Variants in FBN1 observed in about 807,000 individuals in gnomAD.
The protein encoded by FBN1 is fibrillin-1.
Under a neutral mutation model 365.1 loss-of-function variants are expected in FBN1, and 29 were observed. The ratio of observed to expected loss-of-function variants is 0.08; its 90% CI spans 0.06 to 0.11. The LOEUF is 0.11. Ranked by LOEUF, FBN1 falls within the 10% of genes least tolerant of loss-of-function variation. The pLI is 1.00. For missense variants in FBN1, 2,476 were observed against 3,703.2 expected (o/e 0.67, Z 8.60); for synonymous variants, 1,210 against 1,270.5 (o/e 0.95, Z 1.01).
chr15:48,519,833 G>C (rs2043835548), intron 10 of FBN1, among the ~76,000 whole-genome samples: 1 of 152,202 alleles, frequency 6.6e-6, no homozygotes, highest in Non-Finnish European at 1.5e-5. Context: ...ACTGTGCTAA[G>C]TAGCAAATGT....
intron 2 of FBN1, among the ~76,000 whole-genome samples, chr15:48,618,422 T>C (rs955717345): frequency 1.5e-4 from 23 of 152,136 alleles, no homozygotes; most frequent in Admixed American, 1.5e-3. Context: ...TTTCAAATAT[T>C]CCCCCTCTTT....
chr15:48,627,571 ACTGT>A (rs1371723519), intron 2 of FBN1, among the ~76,000 whole-genome samples: 7 of 152,306 alleles, frequency 4.6e-5, no homozygotes, highest in Admixed American at 6.5e-5. Context: ...CACGCAGGCA[ACTGT>A]CTGACCCGGC....
At chr15:48,635,962 T>G (rs1009194313) in intron 2 of FBN1, among the ~76,000 whole-genome samples, 3 of 152,236 alleles carry the variant, frequency 2.0e-5, no homozygotes, top group African/African-American at 7.2e-5. Flanking sequence ...CAACTGAACT[T>G]GATCAAGTTA....
At chr15:48,449,802 CTTAG>C (rs1374176617) in intron 45 of FBN1, among the ~76,000 whole-genome samples, 1 of 152,170 alleles carries the variant, frequency 6.6e-6, no homozygotes, top group Non-Finnish European at 1.5e-5. Flanking sequence ...GCATTTCGCT[CTTAG>C]TTAAATAATC....
intron 6 of FBN1, among the ~76,000 whole-genome samples, chr15:48,564,356 T>A (rs1399655911): frequency 6.6e-6 from 1 of 152,156 alleles, no homozygotes; most frequent in Non-Finnish European, 1.5e-5. Context: ...TAGAATCAAC[T>A]GCTGGGACAG....
At chr15:48,442,312 T>C (rs775706072) in intron 49 of FBN1, among the ~76,000 whole-genome samples, 1 of 152,170 alleles carries the variant, frequency 6.6e-6, no homozygotes, top group South Asian at 2.1e-4. Flanking sequence ...CCACAGAACT[T>C]TTCCCAATAC....
At chr15:48,621,607 G>A (rs1889767015) in intron 2 of FBN1, among the ~76,000 whole-genome samples, 1 of 150,044 alleles carries the variant, frequency 6.7e-6, no homozygotes, top group Non-Finnish European at 1.5e-5. Flanking sequence ...TGGTATCCTA[G>A]ATGGGATTCT....
At chr15:48,558,692 T>C (rs1213418527) in intron 6 of FBN1, among the ~76,000 whole-genome samples, 1 of 151,756 alleles carries the variant, frequency 6.6e-6, no homozygotes, top group Non-Finnish European at 1.5e-5. Flanking sequence ...AGAGAGAAAA[T>C]TTAGTAGGAA....
chr15:48,641,401 G>A (rs1372975752), intron 2 of FBN1: 1 of 152,140 alleles, frequency 6.6e-6, no homozygotes, highest in African/African-American at 2.4e-5. Context: ...TCTAATCTAG[G>A]AAGAGAGGGA....
chr15:48,589,645 G>A (rs569962760), intron 6 of FBN1, among the ~76,000 whole-genome samples: 13 of 123,380 alleles, frequency 1.1e-4, no homozygotes, highest in South Asian at 9.7e-4. Context: ...ATGGCGTCTC[G>A]CTCTGTCGCC....
intron 2 of FBN1, among the ~76,000 whole-genome samples, chr15:48,633,599 G>C (rs1890031740): frequency 1.3e-5 from 2 of 152,168 alleles, no homozygotes; most frequent in Admixed American, 1.3e-4. Context: ...CTAATGTGGA[G>C]GTTCCCACTG....
At chr15:48,531,602 C>T (rs1324840550) in intron 8 of FBN1, among the ~76,000 whole-genome samples, 3 of 152,136 alleles carry the variant, frequency 2.0e-5, no homozygotes, top group Non-Finnish European at 4.4e-5. Flanking sequence ...TCAGTGATTA[C>T]GGGCCAGACT....
intron 6 of FBN1, among the ~76,000 whole-genome samples, chr15:48,576,428 T>C (rs979263221): frequency 1.4e-4 from 22 of 152,290 alleles, no homozygotes; most frequent in African/African-American, 5.1e-4. Context: ...ATGTCTAATA[T>C]AGCATTATCA....
chr15:48,428,075 G>A, intron 57 of FBN1: 5 of 633,112 alleles, frequency 7.9e-6, no homozygotes, highest in South Asian at 1.8e-5. Context: ...AGAAACATAC[G>A]GAAGTGGATC....
chr15:48,450,350 C>T lies in FBN1; in HGVS notation c.5546-1457G>A, dbSNP rs188043320. Among the ~76,000 whole-genome samples, 299 of 152,226 alleles carry T rather than the reference C, an allele frequency of 2.0e-3. 8 individuals are homozygous for T. Among genetic ancestry groups the T allele is most frequent in the Admixed American group, 0.015 (232 of 15,282 alleles). ...AAAGGGATCCCCAATTAGGAATTTC[C>T]TTTCATCTACTGCCCTATTTCATGA... On this transcript the variant is annotated intron_variant, in intron 45 of 65. Transcript: ENST00000316623.
intron 10 of FBN1, among the ~76,000 whole-genome samples, chr15:48,517,430 G>A (rs2043814784): frequency 6.6e-6 from 1 of 152,202 alleles, no homozygotes; most frequent in South Asian, 2.1e-4. Flanking sequence ...GAAACACCAA[G>A]GGGTGTGGGT....
intron 32 of FBN1, among the ~76,000 whole-genome samples, chr15:48,479,454 A>T (rs2043450435): frequency 6.6e-6 from 1 of 152,202 alleles, no homozygotes; most frequent in Non-Finnish European, 1.5e-5. Context: ...TTCAGATGAG[A>T]ATATCACATG....
In FBN1 at chr15:48,485,492, A is replaced by G. The variant is rs2043498776; in HGVS notation, c.3594T>C (p.Ile1198=). The change falls in exon 30 of 66, where the codon ATT becomes ATC. Residue 1198 remains isoleucine (I), a synonymous_variant. Coordinates refer to ENST00000316623, the MANE Select transcript of FBN1 (RefSeq NM_000138.5). ...CACCATTCATTATGCTGCATTCATC[A>G]ATGTCTAAAAGAAATGAAAATAATA... is the stretch of plus-strand genomic sequence containing the variant. ...STPDRLFCVD[I]DECSIMNGGC... 6.2e-7 allele frequency: 1 copy of G among 1,614,190 alleles called. No homozygotes were observed. The highest frequency in any genetic ancestry group is 8.5e-7 in the Non-Finnish European group (1 of 1,180,016).
intron 17 of FBN1, 21 bp from the exon 18 acceptor site, chr15:48,499,059 G>A: frequency 6.2e-7 from 1 of 1,613,246 alleles, no homozygotes; most frequent in Non-Finnish European, 8.5e-7. Flanking sequence ...TTAACAGATA[G>A]TAAATGATTC....
Sources: allele counts gnomAD v4.1 joint callset (sites outside exome capture counted in the v4.1 genomes callset), GRCh38; gene constraint gnomAD v4.1.1; transcripts MANE v1.5; gene names NCBI Gene and HGNC (gene_info 2026-07-23, HGNC 2026-07-21).